The following CHP1 variants were observed in gnomAD, a reference collection of about 807,000 sequenced individuals.
CHP1 encodes calcineurin like EF-hand protein 1.
In CHP1, 11 loss-of-function variants were observed where a neutral mutation model predicts 27.4. The observed-to-expected ratio is 0.40, with a 90% confidence interval of 0.25 to 0.67. The LOEUF is 0.67. CHP1 is among the 30% of genes least tolerant of loss of function. CHP1 has a pLI of 0.38. For synonymous variants in CHP1, 89 were observed against 87.4 expected, an observed-to-expected ratio of 1.02 and a Z score of -0.10; for missense variants, 169 against 251.3, an observed-to-expected ratio of 0.67 and a Z score of 2.22.
chr15:41,248,726 C>G (rs74012251), intron 2 of CHP1, among the ~76,000 whole-genome samples: 19,404 of 152,014 alleles, frequency 0.13, 1,920 homozygotes, highest in African/African-American at 0.28. Context: ...CCAGCCTGAG[C>G]AACATAGTGA....
intron 4 of CHP1, among the ~76,000 whole-genome samples, chr15:41,263,574 T>G (rs1005020486): frequency 1.2e-4 from 19 of 152,202 alleles, no homozygotes; most frequent in Non-Finnish European, 2.4e-4. Context: ...AAATTACAGT[T>G]GTATTAAAAC....
At chr15:41,246,509 G>A (rs992649948) in intron 2 of CHP1, among the ~76,000 whole-genome samples, 2 of 151,252 alleles carry the variant, frequency 1.3e-5, no homozygotes, top group African/African-American at 4.9e-5. Context: ...TAGTAGAAAC[G>A]GGGTTTCACC....
At chr15:41,248,302 C>G (rs1002550480) in intron 2 of CHP1, among the ~76,000 whole-genome samples, 1 of 152,188 alleles carries the variant, frequency 6.6e-6, no homozygotes, top group Admixed American at 6.5e-5. Context: ...GCATGCATCA[C>G]TATGCCTGGC....
chr15:41,260,153 G>A (rs1050873655), intron 3 of CHP1, among the ~76,000 whole-genome samples: 1 of 151,912 alleles, frequency 6.6e-6, no homozygotes, highest in Admixed American at 6.6e-5. Context: ...TATTCGGTGG[G>A]GCACAGAAAG....
intron 4 of CHP1, among the ~76,000 whole-genome samples, chr15:41,269,183 A>G (rs2047476609): frequency 6.6e-6 from 1 of 152,062 alleles, no homozygotes; most frequent in South Asian, 2.1e-4. Context: ...AGCCTGGGAG[A>G]CAGAGCAGGA....
intron 1 of CHP1, among the ~76,000 whole-genome samples, chr15:41,238,708 G>A (rs1331863019): frequency 9.5e-6 from 1 of 104,898 alleles, no homozygotes; most frequent in Non-Finnish European, 1.9e-5. Flanking sequence ...AATTAGCCAG[G>A]CATGGTGGTG....
At chr15:41,275,962 C>T (rs1200516768) in intron 5 of CHP1, among the ~76,000 whole-genome samples, 1 of 152,090 alleles carries the variant, frequency 6.6e-6, no homozygotes, top group Non-Finnish European at 1.5e-5. Context: ...AATTACAGGC[C>T]GGGCGCAGTG....
chr15:41,267,211 TA>T (rs1237142728), intron 4 of CHP1, among the ~76,000 whole-genome samples: 3 of 151,934 alleles, frequency 2.0e-5, no homozygotes, highest in African/African-American at 7.3e-5. Flanking sequence ...GAGTTATTGT[TA>T]AAAGGGTACA....
At chr15:41,256,807 G>T in intron 2 of CHP1, 103 bp from the exon 3 acceptor site, 1 of 877,890 alleles carries the variant, frequency 1.1e-6, no homozygotes, top group African/African-American at 1.7e-5. Flanking sequence ...GTAAATTCCA[G>T]GAGGTAATAT....
chr15:41,250,569 AAAATAAATAAATAAT>A (rs984501949), intron 2 of CHP1, among the ~76,000 whole-genome samples: 71 of 151,716 alleles, frequency 4.7e-4, no homozygotes, highest in African/African-American at 1.6e-3. Flanking sequence ...TTCCATCTCA[AAAATAAATAAATAAT>A]AAATAAATAA....
At chr15:41,247,860 T>TC (rs1754603796) in intron 2 of CHP1, among the ~76,000 whole-genome samples, 1 of 151,268 alleles carries the variant, frequency 6.6e-6, no homozygotes, top group Non-Finnish European at 1.5e-5. Context: ...TCCCAGCTAC[T>TC]CGGGAGGCTG....
chr15:41,265,740 A>T (rs1248800117), intron 4 of CHP1, among the ~76,000 whole-genome samples: 1 of 151,924 alleles, frequency 6.6e-6, no homozygotes, highest in South Asian at 2.1e-4. Context: ...GTGGGTTTAC[A>T]GAGGAGTGGA....
At chr15:41,262,152 G>C (rs1334860228) in intron 3 of CHP1, among the ~76,000 whole-genome samples, 1 of 152,022 alleles carries the variant, frequency 6.6e-6, no homozygotes, top group Non-Finnish European at 1.5e-5. Flanking sequence ...CTGGATGCAA[G>C]ACTCTGTCTC....
At chr15:41,261,597 G>T (rs1394228475) in intron 3 of CHP1, among the ~76,000 whole-genome samples, 1 of 152,076 alleles carries the variant, frequency 6.6e-6, no homozygotes, top group Non-Finnish European at 1.5e-5. Context: ...GGTGGCTCAT[G>T]CCTGTAATCC....
In CHP1 at chr15:41,243,687, C is replaced by G; in HGVS notation, c.88C>G (p.Arg30Gly). The G allele has an allele frequency of 6.2e-7, 1 of 1,614,032 alleles. No homozygotes were observed. Among genetic ancestry groups the G allele is most frequent in the Non-Finnish European group, 8.5e-7 (1 of 1,179,964 alleles). Residue 30 changes from arginine (R) to glycine (G), a missense_variant, in exon 2 of 7, where the codon CGC becomes GGC. Physicochemically the swap from Arg to Gly is moderately radical, Grantham distance 125. Coordinates refer to ENST00000334660, the MANE Select transcript of CHP1 (RefSeq NM_007236.5). ...TTTAGTTTCCCACAGTCAAATCACTCGCCTCTACAGCCGGTTCACCAGCCT... is the reference window on the plus strand; with the variant it reads ...TTTAGTTTCCCACAGTCAAATCACTGGCCTCTACAGCCGGTTCACCAGCCT... Reference protein sequence around the residue: ...ETGFSHSQITRLYSRFTSLDK... With the variant: ...ETGFSHSQITGLYSRFTSLDK...
intron 4 of CHP1, chr15:41,264,282 T>C: frequency 1.8e-6 from 2 of 1,089,776 alleles, no homozygotes; most frequent in South Asian, 1.4e-5. Context: ...GTCAGGAGAG[T>C]GCGAGTGCCG....
At chr15:41,269,523 T>C (rs1172795480) in intron 4 of CHP1, among the ~76,000 whole-genome samples, 2 of 152,080 alleles carry the variant, frequency 1.3e-5, no homozygotes, top group Admixed American at 1.3e-4. Flanking sequence ...AAATGTTACC[T>C]CTCCTTGATA....
At chr15:41,257,033 C>T (rs372003019) in intron 3 of CHP1, 43 bp downstream of exon 3, 2 of 1,448,416 alleles carry the variant, frequency 1.4e-6, no homozygotes, top group African/African-American at 2.8e-5. Flanking sequence ...GAGGCTATCA[C>T]AACCTAAATT....
At chr15:41,243,082 A>G (rs1019143783) in intron 1 of CHP1, among the ~76,000 whole-genome samples, 10 of 151,618 alleles carry the variant, frequency 6.6e-5, no homozygotes, top group Admixed American at 6.6e-4. Flanking sequence ...GCTCACACCT[A>G]TAATCCCAGC....
Sources: allele counts gnomAD v4.1 joint callset (sites outside exome capture counted in the v4.1 genomes callset), GRCh38; gene constraint gnomAD v4.1.1; transcripts MANE v1.5; gene names NCBI Gene and HGNC (gene_info 2026-07-23, HGNC 2026-07-21).